NAALADL2: variants seen among roughly 807,000 people sequenced by gnomAD.
NAALADL2 encodes N-acetylated alpha-linked acidic dipeptidase like 2.
In NAALADL2, 76 loss-of-function variants were observed where a neutral mutation model predicts 87.2. The observed-to-expected ratio is 0.87, with a 90% confidence interval of 0.72 to 1.05. NAALADL2 has a LOEUF of 1.05. NAALADL2 is among the 50% of genes least tolerant of loss of function. NAALADL2 has a pLI of 0.00. For missense variants in NAALADL2, 1,089 were observed against 945.8 expected, an observed-to-expected ratio of 1.15 and a Z score of -1.99; for synonymous variants, 354 against 331.0, an observed-to-expected ratio of 1.07 and a Z score of -0.75.
At chr3:174,522,850 C>G (rs368539213) in intron 1 of NAALADL2, among the ~76,000 whole-genome samples, 29 of 138,862 alleles carry the variant, frequency 2.1e-4, no homozygotes, top group African/African-American at 7.6e-4. Context: ...AGGAGAATGG[C>G]GTGAACCCGG....
intron 1 of NAALADL2, among the ~76,000 whole-genome samples, chr3:175,041,868 TG>T (rs1340138141): frequency 6.6e-6 from 1 of 152,182 alleles, no homozygotes. Context: ...TATTGTGAAA[TG>T]ATTGCCAAGA....
At chr3:175,698,683 C>T (rs1056696480) in intron 11 of NAALADL2, among the ~76,000 whole-genome samples, 20 of 151,304 alleles carry the variant, frequency 1.3e-4, no homozygotes, top group African/African-American at 3.9e-4. Flanking sequence ...TAGAAGAATT[C>T]GTGTCATGTG....
chr3:174,739,853 G>T (rs2109006455), intron 3 of NAALADL2, among the ~76,000 whole-genome samples: 1 of 152,122 alleles, frequency 6.6e-6, no homozygotes, highest in East Asian at 1.9e-4. Flanking sequence ...TTAGCAAAAA[G>T]TATTAGCTCT....
chr3:175,008,419 T>C (rs1178125756), intron 1 of NAALADL2, among the ~76,000 whole-genome samples: 1 of 151,964 alleles, frequency 6.6e-6, no homozygotes, highest in African/African-American at 2.4e-5. Flanking sequence ...ATTTCTGGAG[T>C]TTTCCATTTA....
chr3:175,737,443 G>T (rs913313961), intron 12 of NAALADL2, 44 bp downstream of exon 12: 1 of 1,211,156 alleles, frequency 8.3e-7, no homozygotes, highest in Non-Finnish European at 1.2e-6. Flanking sequence ...ATGAAAAATT[G>T]TTCAACTAAT....
chr3:175,124,866 G>T lies in NAALADL2; in HGVS notation c.545+27575G>T, dbSNP rs1726701013. On this transcript the variant is annotated intron_variant, in intron 2 of 13. Coordinates refer to ENST00000454872, the MANE Select transcript of NAALADL2 (RefSeq NM_207015.3). ...ATGTCCTCTCATATGGAACTTAAAG[G>T]TTAATAGAATTTCAATAGGCAGAAA... 2.0e-5 allele frequency among the ~76,000 whole-genome samples: 3 copies of T among 151,954 alleles called. No individual in the cohort carries two copies. The South Asian group carries it at 6.2e-4, about 31-fold the overall frequency.
At chr3:175,674,259 T>G (rs113059827) in intron 11 of NAALADL2, among the ~76,000 whole-genome samples, 14,977 of 148,582 alleles carry the variant, frequency 0.1, 1,331 homozygotes, top group African/African-American at 0.25. Flanking sequence ...TTTTTTTTTT[T>G]GTTTGTTTTG....
intron 2 of NAALADL2, among the ~76,000 whole-genome samples, chr3:174,591,273 G>A (rs1333052205): frequency 3.3e-5 from 5 of 152,144 alleles, no homozygotes; most frequent in Non-Finnish European, 7.4e-5. Context: ...AGGCCCCTAA[G>A]GAGGAGAAGG....
At chr3:174,980,805 CTTGATTA>C in intron 1 of NAALADL2, among the ~76,000 whole-genome samples, 1 of 135,702 alleles carries the variant, frequency 7.4e-6, no homozygotes, top group Non-Finnish European at 1.7e-5. Context: ...CTGTTCCTCA[CTTGATTA>C]TTGATTTAGT....
chr3:174,703,622 C>A (rs954305612), intron 2 of NAALADL2, among the ~76,000 whole-genome samples: 1 of 152,054 alleles, frequency 6.6e-6, no homozygotes, highest in Non-Finnish European at 1.5e-5. Context: ...CAGAAATCAT[C>A]ATCACCTATA....
At chr3:175,147,366 T>C (rs1364550952) in intron 2 of NAALADL2, among the ~76,000 whole-genome samples, 3 of 152,130 alleles carry the variant, frequency 2.0e-5, no homozygotes, top group Non-Finnish European at 4.4e-5. Flanking sequence ...CTGGATTAAT[T>C]CACTTATGAT....
intron 2 of NAALADL2, among the ~76,000 whole-genome samples, chr3:174,594,089 AT>A (rs1382168941): frequency 2.1e-5 from 3 of 141,046 alleles, no homozygotes; most frequent in Non-Finnish European, 3.0e-5. Flanking sequence ...ATATTGAGGA[AT>A]TTTTTTTCTT....
At chr3:174,859,204 G>A (rs2109523633), upstream of NAALADL2, 1 of 561,436 alleles carries the variant, frequency 1.8e-6, no homozygotes, top group East Asian at 2.9e-5. Flanking sequence ...GCCATACAGT[G>A]GATCAAAAGA....
At chr3:175,504,774 T>A (rs927620577) in intron 9 of NAALADL2, among the ~76,000 whole-genome samples, 1 of 152,122 alleles carries the variant, frequency 6.6e-6, no homozygotes, top group Non-Finnish European at 1.5e-5. Context: ...GGACAAAAAC[T>A]CAAAATCTCT....
chr3:175,036,128 T>A, intron 1 of NAALADL2, among the ~76,000 whole-genome samples: 1 of 152,176 alleles, frequency 6.6e-6, no homozygotes, highest in East Asian at 1.9e-4. Context: ...AATGTTAAAA[T>A]CCTTAATTAG....
chr3:175,525,062 ATTAT>A (rs1296832079), intron 9 of NAALADL2, among the ~76,000 whole-genome samples: 7 of 152,136 alleles, frequency 4.6e-5, no homozygotes, highest in Non-Finnish European at 1.0e-4. Flanking sequence ...TTATTTAAAA[ATTAT>A]TTAAGATATA....
intron 1 of NAALADL2, among the ~76,000 whole-genome samples, chr3:174,528,580 A>G (rs1426903096): frequency 2.0e-5 from 3 of 152,114 alleles, no homozygotes; most frequent in Non-Finnish European, 4.4e-5. Context: ...GAGCTGAGAT[A>G]GTGCCACTGC....
rs572868453 is a variant in NAALADL2, at chr3:175,250,124, G to A, written c.820-6287G>A. ...GTGGAGGTTGCCGTTAGTCAAGATC[G>A]TGCCACTGCACTCCAGCCTGGGCAA... On this transcript the variant is annotated intron_variant, in intron 3 of 13. Coordinates refer to ENST00000454872, the MANE Select transcript of NAALADL2 (RefSeq NM_207015.3). Among the ~76,000 whole-genome samples the A allele has an allele frequency of 4.0e-5, 6 of 150,556 alleles. No individual in the cohort carries two copies. In the South Asian group the frequency reaches 8.4e-4, roughly 21 times the overall value.
intron 2 of NAALADL2, among the ~76,000 whole-genome samples, chr3:174,611,432 A>T (rs925979469): frequency 1.3e-5 from 2 of 152,070 alleles, no homozygotes; most frequent in African/African-American, 4.8e-5. Context: ...TGTACAGTCT[A>T]TGTCTTTAAA....
Sources: gnomAD v4.1 joint callset for allele counts (sites outside exome capture counted in the v4.1 genomes callset) on GRCh38, gnomAD v4.1.1 for gene constraint, MANE v1.5 for transcripts, NCBI Gene and HGNC (gene_info 2026-07-23, HGNC 2026-07-21) for gene names.